Variants in FBXL4 observed in about 807,000 individuals in gnomAD.
The protein encoded by FBXL4 is F-box/LRR-repeat protein 4.
FBXL4 carries 40 observed loss-of-function variants against 58.9 expected under a neutral mutation model. That is an observed-to-expected ratio of 0.68 (90% CI 0.53 to 0.88). The LOEUF is 0.88. Ranked by LOEUF, FBXL4 falls within the 40% of genes least tolerant of loss-of-function variation. The pLI is 0.00. For synonymous variants in FBXL4, 263 were observed against 265.5 expected, an observed-to-expected ratio of 0.99 and a Z score of 0.09; for missense variants, 676 against 734.4, an observed-to-expected ratio of 0.92 and a Z score of 0.92.
intron 1 of FBXL4, among the ~76,000 whole-genome samples, chr6:98,938,566 C>T (rs1252106366): frequency 2.6e-5 from 4 of 152,112 alleles, no homozygotes; most frequent in Non-Finnish European, 4.4e-5. Flanking sequence ...TGTTACATAA[C>T]GAAAAGACTG....
At chr6:98,888,452 C>T (rs1019001827) in intron 7 of FBXL4, among the ~76,000 whole-genome samples, 1 of 152,162 alleles carries the variant, frequency 6.6e-6, no homozygotes, top group Non-Finnish European at 1.5e-5. Flanking sequence ...CTAGAACACA[C>T]AAATGGATGG....
intron 7 of FBXL4, among the ~76,000 whole-genome samples, chr6:98,891,234 G>A (rs1771215180): frequency 6.6e-6 from 1 of 152,084 alleles, no homozygotes; most frequent in Non-Finnish European, 1.5e-5. Context: ...ATCATAAATT[G>A]CAAAAATTAA....
At chr6:98,892,132 T>C (rs1771250502) in intron 7 of FBXL4, among the ~76,000 whole-genome samples, 1 of 152,238 alleles carries the variant, frequency 6.6e-6, no homozygotes, top group Non-Finnish European at 1.5e-5. Flanking sequence ...GTTAGTTTTA[T>C]CTGTGATAAT....
At chr6:98,944,937 G>A (rs1773566010) in intron 1 of FBXL4, among the ~76,000 whole-genome samples, 2 of 152,166 alleles carry the variant, frequency 1.3e-5, no homozygotes, top group South Asian at 4.1e-4. Context: ...TTGTCTCTGA[G>A]TCAGGAGTCT....
intron 1 of FBXL4, among the ~76,000 whole-genome samples, chr6:98,938,429 A>G (rs1773305298): frequency 6.6e-6 from 1 of 152,172 alleles, no homozygotes; most frequent in Non-Finnish European, 1.5e-5. Flanking sequence ...GGCCAGGGAC[A>G]TTGTCTGATA....
At chr6:98,884,728 T>C (rs1770974599) in intron 7 of FBXL4, among the ~76,000 whole-genome samples, 1 of 152,216 alleles carries the variant, frequency 6.6e-6, no homozygotes, top group African/African-American at 2.4e-5. Flanking sequence ...TGAAGACTCA[T>C]ATCTCTCTTC....
intron 6 of FBXL4, among the ~76,000 whole-genome samples, chr6:98,904,950 T>C (rs924852253): frequency 6.6e-6 from 1 of 152,334 alleles, no homozygotes; most frequent in Non-Finnish European, 1.5e-5. Context: ...AGCATGCAAC[T>C]GCATTTTCAA....
chr6:98,896,094 T>C (rs1440180857), intron 7 of FBXL4, among the ~76,000 whole-genome samples: 7 of 152,146 alleles, frequency 4.6e-5, no homozygotes. Context: ...CGTATGTCCT[T>C]AGAGCAAGCA....
At chr6:98,907,001 CA>C (rs1373443186) in intron 5 of FBXL4, among the ~76,000 whole-genome samples, 1 of 152,134 alleles carries the variant, frequency 6.6e-6, no homozygotes, top group Non-Finnish European at 1.5e-5. Flanking sequence ...ATTCTTTGCC[CA>C]CTTTTTGATG....
In FBXL4 at chr6:98,874,365, G is replaced by A. The variant is rs746650044; in HGVS notation, c.1779C>T (p.Ser593=). 6.2e-7 allele frequency: 1 copy of A among 1,613,182 alleles called. No homozygotes were observed. The highest frequency in any genetic ancestry group is 8.5e-7 in the Non-Finnish European group (1 of 1,179,610). The stretch of plus-strand genomic sequence containing the variant: ...CTCTGTTATCAATCTGCGAACAGAA[G>A]GACACATCAAGTAAAGAAAGATCTT... The part of the protein sequence containing the change: ...SCKDLSLLDV[S]FCSQIDNRAV... The change falls in exon 10 of 10, where the codon TCC becomes TCT. Residue 593 remains serine, a synonymous_variant. Coordinates refer to ENST00000369244, the MANE Select transcript of FBXL4 (RefSeq NM_001278716.2).
At chr6:98,909,476 T>C (rs1238100454) in intron 5 of FBXL4, among the ~76,000 whole-genome samples, 1 of 152,242 alleles carries the variant, frequency 6.6e-6, no homozygotes, top group East Asian at 1.9e-4. Flanking sequence ...TCTTTGTACC[T>C]TCTCTTCCCT....
At chr6:98,881,080 G>T (rs563298887) in intron 7 of FBXL4, among the ~76,000 whole-genome samples, 6 of 152,252 alleles carry the variant, frequency 3.9e-5, no homozygotes, top group Admixed American at 1.3e-4. Context: ...CAGCTTGATG[G>T]AACTGCCAAT....
At chr6:98,947,657 G>A (rs1773677058) in intron 1 of FBXL4, 149 bp downstream of exon 1, 1 of 152,428 alleles carries the variant, frequency 6.6e-6, no homozygotes, top group African/African-American at 2.4e-5. Context: ...GGGGCCGCGG[G>A]CGGGGAGGGG....
chr6:98,924,821 C>T (rs114971419), intron 4 of FBXL4, among the ~76,000 whole-genome samples: 28 of 152,268 alleles, frequency 1.8e-4, no homozygotes, highest in South Asian at 1.4e-3. Context: ...CTGCATGTTA[C>T]GGAGGTAGCA....
chr6:98,886,368 G>T (rs1016451528), intron 7 of FBXL4, among the ~76,000 whole-genome samples: 4 of 152,098 alleles, frequency 2.6e-5, no homozygotes, highest in Non-Finnish European at 4.4e-5. Flanking sequence ...ATACCTTTTA[G>T]AAATCTGAGT....
intron 4 of FBXL4, among the ~76,000 whole-genome samples, chr6:98,918,930 T>C (rs1772475351): frequency 6.6e-6 from 1 of 152,164 alleles, no homozygotes; most frequent in South Asian, 2.1e-4. Context: ...AATTTTTTTA[T>C]ATATTCATTA....
rs1031947196 is a variant in FBXL4, at chr6:98,871,230, A to G, written c.*3048T>C. 2.6e-5 allele frequency: 4 copies of G among 152,218 alleles called. No individual in the cohort carries two copies. Among genetic ancestry groups the G allele is most frequent in the African/African-American group, 7.2e-5 (3 of 41,464 alleles). 9.4% of individuals were successfully genotyped at this position (152,218 alleles called of 1,614,324 possible). A position where few individuals can be genotyped will look rare whatever the true frequency, so the allele number is the denominator to read the frequency against. ...AAGGACTGTGTCCAAAGTAAACTTAAGACTATTAAATTAGCCTTTTGGCAA... is the reference window on the plus strand; with the variant it reads ...AAGGACTGTGTCCAAAGTAAACTTAGGACTATTAAATTAGCCTTTTGGCAA... On this transcript the variant is annotated 3_prime_UTR_variant, in exon 10 of 10. Coordinates refer to ENST00000369244, the MANE Select transcript of FBXL4 (RefSeq NM_001278716.2).
chr6:98,929,464 G>A lies in FBXL4; in HGVS notation c.-190-1642C>T, dbSNP rs989893043. Among the ~76,000 whole-genome samples the A allele has an allele frequency of 2.0e-5, 3 of 151,772 alleles. No homozygotes were observed. In the East Asian group the frequency reaches 5.8e-4, roughly 29 times the overall value. ...CACATGACTGTAATCCCAGCTACTC[G>A]GGAGAGTGAGGCAGGAGAATCGCTT... On this transcript the variant is annotated intron_variant, in intron 2 of 9. Transcript: ENST00000369244.
chr6:98,907,412 G>A (rs1771855553), intron 5 of FBXL4, among the ~76,000 whole-genome samples: 2 of 152,186 alleles, frequency 1.3e-5, no homozygotes, highest in African/African-American at 4.8e-5. Flanking sequence ...CTAGGAAATA[G>A]GAAATAAGGG....
Sources: gnomAD v4.1 joint callset for allele counts (sites outside exome capture counted in the v4.1 genomes callset) on GRCh38, gnomAD v4.1.1 for gene constraint, MANE v1.5 for transcripts, NCBI Gene and HGNC (gene_info 2026-07-23, HGNC 2026-07-21) for gene names.